Variants in EFL1 observed in about 807,000 individuals in gnomAD.
EFL1 encodes the protein elongation factor-like GTPase 1.
EFL1 carries 76 observed loss-of-function variants against 126.7 expected under a neutral mutation model. The observed-to-expected ratio is 0.60, with a 90% CI of 0.50 to 0.73. The LOEUF is 0.73. EFL1 is among the 30% of genes least tolerant of loss of function. EFL1 has a pLI of 0.00. For synonymous variants in EFL1, 410 were observed against 448.4 expected, an observed-to-expected ratio of 0.91 and a Z score of 1.08; for missense variants, 1,128 against 1,343.2, an observed-to-expected ratio of 0.84 and a Z score of 2.50.
At chr15:82,187,915 C>A (rs926362882) in intron 15 of EFL1, among the ~76,000 whole-genome samples, 1 of 151,874 alleles carries the variant, frequency 6.6e-6, no homozygotes, top group Non-Finnish European at 1.5e-5. Context: ...CTATATTTCA[C>A]GGTAATAACT....
At chr15:82,189,449 A>T (rs1419664906) in intron 15 of EFL1, among the ~76,000 whole-genome samples, 1 of 152,190 alleles carries the variant, frequency 6.6e-6, no homozygotes, top group African/African-American at 2.4e-5. Context: ...TTTTCCTCTC[A>T]AATTCTGCAG....
chr15:82,250,449 G>A (rs2075011041), intron 4 of EFL1, among the ~76,000 whole-genome samples: 2 of 131,410 alleles, frequency 1.5e-5, no homozygotes, highest in Non-Finnish European at 3.2e-5. Flanking sequence ...GTGATGGGCT[G>A]GCATGAAAAG....
chr15:82,189,404 G>A (rs572098939), intron 15 of EFL1, among the ~76,000 whole-genome samples: 48 of 152,268 alleles, frequency 3.2e-4, no homozygotes, highest in African/African-American at 1.1e-3. Context: ...CATTCTAAGA[G>A]TCTAGAAGAT....
At chr15:82,189,347 G>T (rs1424652182) in intron 15 of EFL1, among the ~76,000 whole-genome samples, 1 of 152,126 alleles carries the variant, frequency 6.6e-6, no homozygotes, top group African/African-American at 2.4e-5. Flanking sequence ...GATACAAGAG[G>T]TACAGTAGGG....
Position 82,172,038 on chromosome 15 carries a change from A to G in EFL1, c.1751-8054T>C, listed in dbSNP as rs150388516. 8.1e-3 allele frequency among the ~76,000 whole-genome samples: 1,237 copies of G among 152,120 alleles called. 19 individuals carry two copies. The highest frequency in any genetic ancestry group is 0.028 in the African/African-American group (1,178 of 41,502). On this transcript the variant is annotated intron_variant, in intron 15 of 19. Coordinates refer to ENST00000268206, the MANE Select transcript of EFL1 (RefSeq NM_024580.6). ...TCTAGACAAAGAATATAAATAGTCC[A>G]AGAAAAGACATTAAAAGAAAAGAAA...
At chr15:82,203,243 C>T (rs2074489396) in intron 15 of EFL1, among the ~76,000 whole-genome samples, 1 of 152,016 alleles carries the variant, frequency 6.6e-6, no homozygotes, top group African/African-American at 2.4e-5. Flanking sequence ...TTGTGTATTT[C>T]TCCTCAGTCA....
At chr15:82,254,579 G>C (rs1457168382) in intron 3 of EFL1, among the ~76,000 whole-genome samples, 1 of 152,100 alleles carries the variant, frequency 6.6e-6, no homozygotes, top group Non-Finnish European at 1.5e-5. Flanking sequence ...TTTTAAAAAT[G>C]AGTGTGTCAC....
intron 18 of EFL1, among the ~76,000 whole-genome samples, chr15:82,143,141 A>G (rs1164098120): frequency 6.6e-6 from 1 of 152,262 alleles, no homozygotes; most frequent in African/African-American, 2.4e-5. Context: ...AACAGTAAAC[A>G]ATCAGGAAAC....
intron 2 of EFL1, 133 bp downstream of exon 2, chr15:82,261,555 A>T (rs1346471525): frequency 1.1e-4 from 98 of 860,592 alleles, no homozygotes; most frequent in East Asian, 2.7e-5. Context: ...AACATCACAC[A>T]AAACTTTTAA....
chr15:82,155,727 CTT>C (rs2073960701), intron 17 of EFL1, among the ~76,000 whole-genome samples: 1 of 152,188 alleles, frequency 6.6e-6, no homozygotes, highest in South Asian at 2.1e-4. Flanking sequence ...TGTTCCACAT[CTT>C]TGCCACCACT....
rs2074695646 is a variant in EFL1 at position 82,220,153 on chromosome 15, G to A, written c.1369C>T (p.Gln457Ter). 6.2e-7 allele frequency: 1 copy of A among 1,613,796 alleles called. No homozygotes were observed. The highest frequency in any genetic ancestry group is 1.7e-5 in the Admixed American group (1 of 59,956). Reference protein sequence around the residue: ...QRHAEKLAAAQGQAPLEPTQD... With the variant: ...QRHAEKLAAA ...GTGGGCTCCAAGGGTGCCTGTCCCT[G>A]TGCTGCTGCAAGCTTCTCTGCATGC... is the stretch of plus-strand genomic sequence containing the variant. The change falls in exon 13 of 20, where the codon CAG (glutamine) becomes TAG (stop). Residue 457 changes from glutamine to a stop codon, truncating the protein, a stop_gained. Coordinates refer to ENST00000268206, the MANE Select transcript of EFL1 (RefSeq NM_024580.6). LOFTEE classifies it high-confidence loss of function.
chr15:82,225,384 A>G, intron 11 of EFL1, 120 bp from the exon 12 acceptor site: 1 of 684,400 alleles, frequency 1.5e-6, no homozygotes, highest in Non-Finnish European at 2.3e-6. Context: ...AATACACCAG[A>G]AGTCCATAAC....
intron 15 of EFL1, among the ~76,000 whole-genome samples, chr15:82,166,432 C>T (rs959291571): frequency 2.6e-5 from 4 of 152,204 alleles, no homozygotes; most frequent in Non-Finnish European, 5.9e-5. Flanking sequence ...AAAAGCAATG[C>T]TCCAAAGATA....
chr15:82,217,510 T>C (rs1384281075), intron 14 of EFL1, among the ~76,000 whole-genome samples: 1 of 147,836 alleles, frequency 6.8e-6, no homozygotes, highest in Non-Finnish European at 1.5e-5. Context: ...GGCATTAACA[T>C]AGATTAATCT....
At chr15:82,190,254 T>C (rs2074345433) in intron 15 of EFL1, among the ~76,000 whole-genome samples, 1 of 152,234 alleles carries the variant, frequency 6.6e-6, no homozygotes, top group Admixed American at 6.5e-5. Context: ...TAACCATGTT[T>C]TTAATTTCCA....
intron 19 of EFL1, 96 bp from the exon 20 acceptor site, chr15:82,130,657 A>C: frequency 7.5e-7 from 1 of 1,336,462 alleles, no homozygotes; most frequent in Non-Finnish European, 1.0e-6. Context: ...TTAGCTAATG[A>C]AAAAAAGTTA....
At chr15:82,132,247 A>G (rs1228890855) in intron 19 of EFL1, among the ~76,000 whole-genome samples, 1 of 152,146 alleles carries the variant, frequency 6.6e-6, no homozygotes, top group Non-Finnish European at 1.5e-5. Context: ...GTACAGAGAA[A>G]ATCAGAGAGA....
intron 4 of EFL1, among the ~76,000 whole-genome samples, chr15:82,249,145 T>G (rs1464382798): frequency 1.3e-5 from 2 of 152,052 alleles, no homozygotes; most frequent in African/African-American, 2.4e-5. Context: ...AAATTTTCTA[T>G]AGTAAATATA....
Position 82,132,685 on chromosome 15 carries a change from G to T in EFL1, c.3175-2124C>A, listed in dbSNP as rs374661036. Reference sequence around the variant, plus strand: ...AAGGAGACAAGGTCCAGGAATTGGGGGGGGGGGGGGGTAGGCAGAGTGGCA... The same window carrying T: ...AAGGAGACAAGGTCCAGGAATTGGGTGGGGGGGGGGGTAGGCAGAGTGGCA... On this transcript the variant is annotated intron_variant, in intron 19 of 19. Transcript: ENST00000268206. 6.6e-4 allele frequency among the ~76,000 whole-genome samples: 72 copies of T among 109,442 alleles called. 1 individual carries two copies. Among genetic ancestry groups the T allele is most frequent in the African/African-American group, 2.2e-3 (70 of 31,530 alleles). The allele number at this position is 109,442 out of a possible 152,430, so 71.8% of individuals were successfully genotyped here.
Sources: gnomAD v4.1 joint callset for allele counts (sites outside exome capture counted in the v4.1 genomes callset) on GRCh38, gnomAD v4.1.1 for gene constraint, MANE v1.5 for transcripts, NCBI Gene and HGNC (gene_info 2026-07-23, HGNC 2026-07-21) for gene names.